Variants in CCAR1 observed in about 807,000 individuals in gnomAD.
CCAR1 encodes cell division cycle and apoptosis regulator 1, also known as cell division cycle and apoptosis regulator protein 1.
A neutral mutation model predicts 163.8 loss-of-function variants in CCAR1; 78 were observed. That is an observed-to-expected ratio of 0.48 (90% CI 0.40 to 0.57). The LOEUF is 0.57. CCAR1 is among the 20% of genes least tolerant of loss of function. CCAR1 has a pLI of 0.00. For missense variants in CCAR1, 1,019 were observed against 1,365.2 expected, an observed-to-expected ratio of 0.75 and a Z score of 4.00; for synonymous variants, 443 against 460.7, an observed-to-expected ratio of 0.96 and a Z score of 0.49.
chr10:68,758,913 C>T (rs940776545), intron 15 of CCAR1, among the ~76,000 whole-genome samples: 10 of 151,850 alleles, frequency 6.6e-5, no homozygotes, highest in African/African-American at 2.4e-4. Context: ...CTCAATTGAT[C>T]CACCCACCTC....
At chr10:68,763,404 C>T (rs1048480581) in intron 16 of CCAR1, among the ~76,000 whole-genome samples, 3 of 151,980 alleles carry the variant, frequency 2.0e-5, no homozygotes, top group African/African-American at 7.2e-5. Context: ...CCGCCTCAGC[C>T]TCCCAAAGTG....
At chr10:68,764,582 C>G (rs1169196020) in intron 16 of CCAR1, among the ~76,000 whole-genome samples, 1 of 151,958 alleles carries the variant, frequency 6.6e-6, no homozygotes, top group Non-Finnish European at 1.5e-5. Flanking sequence ...CAAACCCTTA[C>G]CAAGTTGCAG....
intron 15 of CCAR1, chr10:68,759,364 A>G: frequency 1.3e-5 from 2 of 153,254 alleles, no homozygotes; most frequent in Middle Eastern, 2.0e-3. Flanking sequence ...GCAGTGAACT[A>G]TCATTGTGCC....
chr10:68,775,557 G>A (rs1048652989), intron 19 of CCAR1, among the ~76,000 whole-genome samples: 2 of 149,448 alleles, frequency 1.3e-5, no homozygotes, highest in Admixed American at 6.7e-5. Flanking sequence ...GTCACCAGGC[G>A]GGAGTGCAGT....
chr10:68,728,132 C>T (rs186293803), intron 2 of CCAR1, among the ~76,000 whole-genome samples: 167 of 152,158 alleles, frequency 1.1e-3, no homozygotes, highest in African/African-American at 3.9e-3. Context: ...CCACTGTGCC[C>T]GGCCTTAGAT....
chr10:68,766,846 G>GT (rs1383179542), intron 17 of CCAR1, among the ~76,000 whole-genome samples: 5 of 152,084 alleles, frequency 3.3e-5, no homozygotes, highest in Admixed American at 2.0e-4. Flanking sequence ...TTCATTGCTT[G>GT]TTTTTTTGAG....
At chr10:68,753,668 C>T (rs1036928013) in intron 10 of CCAR1, among the ~76,000 whole-genome samples, 184 bp from the exon 11 acceptor site, 1 of 152,078 alleles carries the variant, frequency 6.6e-6, no homozygotes, top group Non-Finnish European at 1.5e-5. Context: ...CAAAGCTTTG[C>T]GTATATAAAT....
At chr10:68,772,308 C>A (rs568957624) in intron 18 of CCAR1, among the ~76,000 whole-genome samples, 3 of 152,046 alleles carry the variant, frequency 2.0e-5, no homozygotes, top group East Asian at 3.9e-4. Context: ...CATGGTGAAA[C>A]CCCCTCTCTA....
chr10:68,743,636 G>A (rs1043780514), intron 6 of CCAR1, among the ~76,000 whole-genome samples: 4 of 151,068 alleles, frequency 2.6e-5, no homozygotes, highest in East Asian at 3.9e-4. Flanking sequence ...TCCACCTCCC[G>A]GGTTTAAGTG....
At position 68,789,777 on chromosome 10, in the gene CCAR1, A is replaced by C. The variant is rs987060819; in HGVS notation, c.3255A>C (p.Glu1085Asp). 6.2e-7 allele frequency: 1 copy of C among 1,607,632 alleles called. No homozygotes were observed. The highest frequency in any genetic ancestry group is 1.3e-5 in the African/African-American group (1 of 74,792). ...AAAGCCTCTCTGGTGAACTCAGAGAAGTTAAAAAGGACCTTAGTCAGTTAC... is the reference window on the plus strand; with the variant it reads ...AAAGCCTCTCTGGTGAACTCAGAGACGTTAAAAAGGACCTTAGTCAGTTAC... ...SNKSLSGELR[E>D]VKKDLSQLQE... Residue 1085 changes from glutamate to aspartate, a missense_variant, in exon 24 of 25, where the codon GAA (glutamate) becomes GAC (aspartate). Physicochemically the swap from Glu to Asp is conservative, Grantham distance 45. Transcript: ENST00000265872.
At chr10:68,732,988 C>T (rs1013942291) in intron 2 of CCAR1, among the ~76,000 whole-genome samples, 9 of 152,140 alleles carry the variant, frequency 5.9e-5, no homozygotes, top group African/African-American at 1.4e-4. Context: ...ATTCTCATTG[C>T]GGTTAACCTC....
In CCAR1 at chr10:68,791,315, A is replaced by C; in HGVS notation, c.*49A>C. On this transcript the variant is annotated 3_prime_UTR_variant, in exon 25 of 25. Coordinates refer to ENST00000265872, the MANE Select transcript of CCAR1 (RefSeq NM_018237.4). Reference sequence around the variant, plus strand: ...ATGGTGTTAAATAATGTAATATATAAAAATCATGATATAAGAATGTTTGAA... The same window carrying C: ...ATGGTGTTAAATAATGTAATATATACAAATCATGATATAAGAATGTTTGAA... 1 of 1,247,574 alleles carries C rather than the reference A, an allele frequency of 8.0e-7. No individual in the cohort carries two copies. The highest frequency in any genetic ancestry group is 2.4e-5 in the East Asian group (1 of 40,966). The allele number at this position is 1,247,574 out of a possible 1,614,324, so 77.3% of individuals were successfully genotyped here.
intron 4 of CCAR1, among the ~76,000 whole-genome samples, chr10:68,739,785 TTAA>T (rs1564532217): frequency 7.2e-5 from 11 of 152,332 alleles, no homozygotes; most frequent in Admixed American, 2.0e-4. Flanking sequence ...TCAACTGTTC[TTAA>T]CTTACAAAAA....
intron 17 of CCAR1, among the ~76,000 whole-genome samples, chr10:68,769,262 C>T (rs1453406521): frequency 6.6e-6 from 1 of 152,206 alleles, no homozygotes; most frequent in East Asian, 1.9e-4. Context: ...GCACGAACCA[C>T]CATGCGTGGC....
intron 12 of CCAR1, 78 bp downstream of exon 12, chr10:68,754,905 C>G: frequency 1.3e-6 from 1 of 771,098 alleles, no homozygotes; most frequent in Non-Finnish European, 2.2e-6. Context: ...AAATCTAAAG[C>G]CCTACATTTT....
chr10:68,767,960 G>A (rs965334877), intron 17 of CCAR1, among the ~76,000 whole-genome samples: 3 of 152,112 alleles, frequency 2.0e-5, no homozygotes, highest in Admixed American at 1.3e-4. Context: ...TATTAATTTT[G>A]TAGTGTCCTG....
In CCAR1 at chr10:68,788,002, G is replaced by A. The variant is rs1487730259; in HGVS notation, c.2956G>A (p.Glu986Lys). Residue 986 changes from glutamate to lysine, a missense_variant, in exon 22 of 25, where the codon GAA (glutamate) becomes AAA (lysine). Glu to Lys is a moderately conservative substitution (Grantham distance 56). Coordinates refer to ENST00000265872, the MANE Select transcript of CCAR1 (RefSeq NM_018237.4). Reference protein sequence around the residue: ...YRKLTDTSKDEENHEESESLQ... With the variant: ...YRKLTDTSKDKENHEESESLQ... ...GAAATTAACAGACACCTCAAAAGAT[G>A]AAGAGAACCATGAAGAGTCTGAGTC... The A allele has an allele frequency of 6.2e-7, 1 of 1,612,914 alleles. No homozygotes were observed. The highest frequency in any genetic ancestry group is 1.7e-4 in the Middle Eastern group (1 of 6,054).
chr10:68,746,682 A>G (rs775169716), intron 6 of CCAR1, among the ~76,000 whole-genome samples: 1 of 151,840 alleles, frequency 6.6e-6, no homozygotes, highest in Non-Finnish European at 1.5e-5. Flanking sequence ...GGTTCAAGCA[A>G]TTCTCCTGCC....
chr10:68,740,691 AT>A, intron 5 of CCAR1, 30 bp downstream of exon 5: 1 of 1,568,342 alleles, frequency 6.4e-7, no homozygotes. Context: ...TTTGTTTTGG[AT>A]GTCTGAATGA....
Sources: gnomAD v4.1 joint callset for allele counts (sites outside exome capture counted in the v4.1 genomes callset) on GRCh38, gnomAD v4.1.1 for gene constraint, MANE v1.5 for transcripts, NCBI Gene and HGNC (gene_info 2026-07-23, HGNC 2026-07-21) for gene names.